ERBIN: variants seen among roughly 807,000 people sequenced by gnomAD.
The protein encoded by ERBIN is erbb2 interacting protein.
ERBIN carries 60 observed loss-of-function variants against 158.4 expected under a neutral mutation model. The observed-to-expected ratio is 0.38, with a 90% CI of 0.31 to 0.47. ERBIN has a LOEUF of 0.47. Among genes scored for constraint, ERBIN ranks in the 20% least tolerant of loss-of-function variants. The pLI is 0.99. For synonymous variants in ERBIN, 594 were observed against 557.2 expected, an observed-to-expected ratio of 1.07 and a Z score of -0.93; for missense variants, 1,610 against 1,648.0, an observed-to-expected ratio of 0.98 and a Z score of 0.40.
At chr5:66,030,699 A>T (rs1196551842) in intron 14 of ERBIN, among the ~76,000 whole-genome samples, 2 of 151,620 alleles carry the variant, frequency 1.3e-5, no homozygotes, top group Non-Finnish European at 2.9e-5. Flanking sequence ...AGTAGCTGGG[A>T]CCACAGGTAC....
intron 3 of ERBIN, 151 bp from the exon 4 acceptor site, chr5:65,994,596 A>G (rs1752219124): frequency 3.7e-6 from 2 of 538,398 alleles, no homozygotes; most frequent in Non-Finnish European, 6.6e-6. Context: ...ATTCATATCC[A>G]TAATAGCATA....
At chr5:65,956,983 G>A (rs577291250) in intron 1 of ERBIN, among the ~76,000 whole-genome samples, 7 of 150,990 alleles carry the variant, frequency 4.6e-5, no homozygotes, top group African/African-American at 1.7e-4. Flanking sequence ...TGCTATTTGT[G>A]TATGGTAATA....
chr5:66,025,658 A>AT, intron 11 of ERBIN, 106 bp downstream of exon 11: 2 of 964,818 alleles, frequency 2.1e-6, no homozygotes, highest in South Asian at 3.0e-5. Context: ...TTTTGTAAAC[A>AT]TTTAAGTAAT....
chr5:65,941,440 T>C (rs1745028990), intron 1 of ERBIN, among the ~76,000 whole-genome samples: 1 of 152,080 alleles, frequency 6.6e-6, no homozygotes, highest in African/African-American at 2.4e-5. Flanking sequence ...AGAATGTGCA[T>C]AGGTTATATA....
At chr5:66,060,792 T>G (rs1250365627) in intron 21 of ERBIN, among the ~76,000 whole-genome samples, 2 of 152,212 alleles carry the variant, frequency 1.3e-5, no homozygotes, top group Non-Finnish European at 2.9e-5. Context: ...CTTCATTTCG[T>G]TAGGTACCCA....
intron 2 of ERBIN, among the ~76,000 whole-genome samples, chr5:65,991,457 AG>A (rs1479026930): frequency 6.6e-6 from 1 of 152,232 alleles, no homozygotes; most frequent in East Asian, 1.9e-4. Context: ...TTACACAGAA[AG>A]AATTGATAAC....
intron 1 of ERBIN, among the ~76,000 whole-genome samples, chr5:65,979,445 G>A (rs1176565049): frequency 1.3e-5 from 2 of 152,050 alleles, no homozygotes; most frequent in African/African-American, 2.4e-5. Flanking sequence ...CAAACCAAAT[G>A]AGTAAAAATT....
chr5:65,947,028 G>T (rs77919223), intron 1 of ERBIN, among the ~76,000 whole-genome samples: 1 of 151,758 alleles, frequency 6.6e-6, no homozygotes, highest in Non-Finnish European at 1.5e-5. Context: ...TAGTTTGCAG[G>T]TATTTTCTCC....
chr5:66,078,134 G>C (rs988090347), intron 25 of ERBIN, among the ~76,000 whole-genome samples: 4 of 152,154 alleles, frequency 2.6e-5, no homozygotes, highest in South Asian at 2.1e-4. Context: ...GGTCACCTCA[G>C]ATACACATTA....
intron 19 of ERBIN, among the ~76,000 whole-genome samples, chr5:66,049,238 C>T (rs1287153438): frequency 6.6e-6 from 1 of 152,006 alleles, no homozygotes; most frequent in Non-Finnish European, 1.5e-5. Context: ...TCCGTCCAAC[C>T]TCTGCCAGCC....
intron 3 of ERBIN, among the ~76,000 whole-genome samples, chr5:65,993,440 G>A (rs1752093843): frequency 6.6e-6 from 1 of 151,772 alleles, no homozygotes; most frequent in African/African-American, 2.4e-5. Context: ...GAGAAAGTTG[G>A]TTTGTTGCCA....
At chr5:65,989,253 T>G (rs1751603475) in intron 2 of ERBIN, among the ~76,000 whole-genome samples, 1 of 152,228 alleles carries the variant, frequency 6.6e-6, no homozygotes, top group South Asian at 2.1e-4. Context: ...ACTCATTTAC[T>G]TCTCTTTCGT....
At chr5:65,986,134 AC>A (rs1275075555) in intron 1 of ERBIN, among the ~76,000 whole-genome samples, 3 of 152,124 alleles carry the variant, frequency 2.0e-5, no homozygotes, top group Admixed American at 6.5e-5. Context: ...TGCTTTAAAT[AC>A]CATCTATAAG....
In ERBIN at chr5:66,061,347, G is replaced by C. The variant is rs10075146; in HGVS notation, c.3633+6396G>C. Among the ~76,000 whole-genome samples the C allele has an allele frequency of 5.9e-5, 9 of 151,808 alleles. No homozygotes were observed. In the East Asian group the frequency reaches 1.7e-3, roughly 29 times the overall value. ...TTGTTGGTTTAAAGTCTGTTTTATC[G>C]GAGACTAGGATTGCAACCCCTGCCT... On this transcript the variant is annotated intron_variant, in intron 21 of 25. Transcript: ENST00000284037.
chr5:66,042,244 T>A (rs189000606), intron 15 of ERBIN, among the ~76,000 whole-genome samples: 1 of 152,186 alleles, frequency 6.6e-6, no homozygotes, highest in East Asian at 1.9e-4. Context: ...AAATTTGTGA[T>A]TTTATTTTGT....
intron 1 of ERBIN, among the ~76,000 whole-genome samples, chr5:65,929,113 A>G (rs1743041936): frequency 6.6e-6 from 1 of 152,238 alleles, no homozygotes; most frequent in African/African-American, 2.4e-5. Flanking sequence ...ATGTATAAAA[A>G]GCTTACAGAG....
chr5:66,077,795 T>TACACACACACACACAGTCACACTCACTC, intron 25 of ERBIN, among the ~76,000 whole-genome samples: 1 of 97,082 alleles, frequency 1.0e-5, no homozygotes, highest in South Asian at 3.5e-4. Flanking sequence ...CACACACACA[T>TACACACACACACACAGTCACACTCACTC]ACACACACAC....
intron 1 of ERBIN, among the ~76,000 whole-genome samples, chr5:65,961,869 T>C (rs1262745390): frequency 1.3e-5 from 2 of 152,178 alleles, no homozygotes; most frequent in Non-Finnish European, 2.9e-5. Flanking sequence ...GCTGGTATCA[T>C]GGGAGCATAC....
rs536549674 is a variant in ERBIN at position 65,986,565 on chromosome 5, C to A, written c.-57-2070C>A. On this transcript the variant is annotated intron_variant, in intron 1 of 25. Coordinates refer to ENST00000284037, the MANE Select transcript of ERBIN (RefSeq NM_001253697.2). ...ATGTATTTAGGGCAATTCTGAAATT[C>A]TGAAACACATAAATGGATATTACTC... Among the ~76,000 whole-genome samples, 3 of 152,286 alleles carry A rather than the reference C, an allele frequency of 2.0e-5. No homozygotes were observed. The South Asian group carries it at 6.2e-4, about 32-fold the overall frequency.
Sources: gnomAD v4.1 joint callset for allele counts (sites outside exome capture counted in the v4.1 genomes callset) on GRCh38, gnomAD v4.1.1 for gene constraint, MANE v1.5 for transcripts, NCBI Gene and HGNC (gene_info 2026-07-23, HGNC 2026-07-21) for gene names.